Variants in RNF13 observed in about 807,000 individuals in gnomAD.
RNF13 encodes the protein ring finger protein 13.
RNF13 carries 19 observed loss-of-function variants against 37.7 expected under a neutral mutation model. That is an observed-to-expected ratio of 0.50 (90% CI 0.35 to 0.74). RNF13 has a LOEUF of 0.74. Among genes scored for constraint, RNF13 ranks in the 30% least tolerant of loss-of-function variants. The pLI, the probability that RNF13 is intolerant of heterozygous loss-of-function variation, is 0.01. For missense variants in RNF13, 375 were observed against 453.0 expected (o/e 0.83, Z 1.56); for synonymous variants, 144 against 157.8 (o/e 0.91, Z 0.65).
intron 4 of RNF13, among the ~76,000 whole-genome samples, chr3:149,884,435 C>T (rs1188438587): frequency 6.6e-6 from 1 of 151,858 alleles, no homozygotes; most frequent in Non-Finnish European, 1.5e-5. Context: ...TGAACTCTTC[C>T]TGATCCTGTC....
chr3:149,909,442 A>T (rs1235391513), intron 6 of RNF13, among the ~76,000 whole-genome samples: 7 of 114,422 alleles, frequency 6.1e-5, no homozygotes, highest in South Asian at 3.0e-4. Context: ...TGCCTGGTTA[A>T]TTTTTTTTTT....
intron 3 of RNF13, among the ~76,000 whole-genome samples, chr3:149,871,343 G>T (rs1472087033): frequency 6.6e-6 from 1 of 150,846 alleles, no homozygotes; most frequent in Non-Finnish European, 1.5e-5. Flanking sequence ...TGACCAGCCT[G>T]TTACTACATT....
chr3:149,923,239 G>A (rs1718322852), intron 8 of RNF13, among the ~76,000 whole-genome samples: 2 of 151,996 alleles, frequency 1.3e-5, no homozygotes, highest in African/African-American at 4.8e-5. Flanking sequence ...ATACAGTGTG[G>A]ATTAGTTAAT....
At chr3:149,892,464 C>T (rs1011197995) in intron 4 of RNF13, among the ~76,000 whole-genome samples, 1 of 152,126 alleles carries the variant, frequency 6.6e-6, no homozygotes, top group African/African-American at 2.4e-5. Flanking sequence ...TAGACAACCG[C>T]AGATTTAAGG....
chr3:149,933,665 C>A (rs1719394312), intron 8 of RNF13, among the ~76,000 whole-genome samples: 1 of 148,454 alleles, frequency 6.7e-6, no homozygotes, highest in Admixed American at 6.7e-5. Context: ...CTCACTGTAA[C>A]CTCTGCCTGC....
intron 1 of RNF13, among the ~76,000 whole-genome samples, chr3:149,844,748 A>T (rs1306192406): frequency 1.3e-5 from 2 of 152,208 alleles, no homozygotes; most frequent in Non-Finnish European, 2.9e-5. Context: ...ATGTCAACAA[A>T]TCTAGACATT....
intron 8 of RNF13, among the ~76,000 whole-genome samples, chr3:149,957,929 T>A (rs1338547023): frequency 6.6e-6 from 1 of 152,204 alleles, no homozygotes; most frequent in African/African-American, 2.4e-5. Flanking sequence ...TAAAGGTTAA[T>A]TTGCTACAGA....
intron 1 of RNF13, among the ~76,000 whole-genome samples, chr3:149,844,539 C>T (rs1297893429): frequency 1.3e-5 from 2 of 152,174 alleles, no homozygotes; most frequent in Non-Finnish European, 2.9e-5. Flanking sequence ...GCACAAACCA[C>T]ATTTTTTGTA....
At position 149,887,492 on chromosome 3, in the gene RNF13, G is replaced by C. The variant is rs534295127; in HGVS notation, c.322-7981G>C. The stretch of plus-strand genomic sequence containing the variant: ...ATTTTTAAATTTTTTGTAGAGATGG[G>C]GTCTCTTTACATTGCCAGGCTGGTC... On this transcript the variant is annotated intron_variant, in intron 4 of 9. Coordinates refer to ENST00000392894, the MANE Select transcript of RNF13 (RefSeq NM_183381.3). 4.9e-4 allele frequency among the ~76,000 whole-genome samples: 75 copies of C among 152,136 alleles called. 2 individuals carry two copies. In the South Asian group the frequency reaches 0.015, roughly 31 times the overall value.
intron 8 of RNF13, chr3:149,939,406 T>A (rs1720031125): frequency 1.9e-6 from 1 of 520,840 alleles, no homozygotes; most frequent in Admixed American, 2.2e-5. Flanking sequence ...GAGTTTCACA[T>A]ACTCCTCTTC....
At chr3:149,865,990 T>G (rs1037087178) in intron 3 of RNF13, among the ~76,000 whole-genome samples, 24 of 152,150 alleles carry the variant, frequency 1.6e-4, no homozygotes, top group African/African-American at 5.8e-4. Context: ...GGTTGGCCAT[T>G]TTTATGATTA....
intron 8 of RNF13, 46 bp from the exon 9 acceptor site, chr3:149,960,010 G>C (rs1420958657): frequency 1.5e-6 from 2 of 1,349,834 alleles, no homozygotes; most frequent in African/African-American, 2.9e-5. Flanking sequence ...AACTTGAAAA[G>C]TTTGAAAGGT....
intron 7 of RNF13, among the ~76,000 whole-genome samples, chr3:149,913,698 AT>A (rs1033423757): frequency 6.6e-6 from 1 of 152,016 alleles, no homozygotes; most frequent in South Asian, 2.1e-4. Context: ...TCTCAACCTG[AT>A]TTTTTTCTCA....
chr3:149,820,276 T>C (rs939741513), intron 1 of RNF13, among the ~76,000 whole-genome samples: 1 of 151,996 alleles, frequency 6.6e-6, no homozygotes, highest in African/African-American at 2.4e-5. Context: ...GGTCTCAAAC[T>C]CCTGGCCCCA....
chr3:149,905,149 T>C (rs1235858695), intron 6 of RNF13, among the ~76,000 whole-genome samples: 5 of 152,330 alleles, frequency 3.3e-5, no homozygotes, highest in East Asian at 3.9e-4. Flanking sequence ...AGAGTTTTAA[T>C]GTATATGTAT....
intron 3 of RNF13, 48 bp downstream of exon 3, chr3:149,852,644 G>T (rs1723219329): frequency 3.5e-6 from 3 of 854,434 alleles, no homozygotes; most frequent in Non-Finnish European, 3.6e-6. Context: ...ATTTAATAAG[G>T]TGATTTTTAT....
intron 7 of RNF13, 47 bp downstream of exon 7, chr3:149,912,130 A>T: frequency 1.1e-6 from 1 of 874,982 alleles, no homozygotes; most frequent in Non-Finnish European, 1.9e-6. Flanking sequence ...GTATGGATGA[A>T]TCTAAAAACA....
rs1019767426 is a variant in RNF13 at position 149,845,951 on chromosome 3, A to G, written c.-16-60A>G. ...TTGGACATTGGGAATTAATATATCA[A>G]ATGATCTATTCCCTGGGACAAAGCA... On this transcript the variant is annotated intron_variant, in intron 1 of 9. Coordinates refer to ENST00000392894, the MANE Select transcript of RNF13 (RefSeq NM_183381.3). 12 of 836,418 alleles carry G rather than the reference A, an allele frequency of 1.4e-5. No homozygotes were observed. The African/African-American group carries it at 1.5e-4, about 11-fold the overall frequency. The allele number at this position is 836,418 out of a possible 1,614,324, so 51.8% of individuals were successfully genotyped here.
intron 8 of RNF13, among the ~76,000 whole-genome samples, chr3:149,952,045 A>C (rs932097166): frequency 1.3e-5 from 2 of 152,118 alleles, no homozygotes; most frequent in South Asian, 4.2e-4. Context: ...CTCCTCTTCA[A>C]CTCACTATGT....
Sources: gnomAD v4.1 joint callset for allele counts (sites outside exome capture counted in the v4.1 genomes callset) on GRCh38, gnomAD v4.1.1 for gene constraint, MANE v1.5 for transcripts, NCBI Gene and HGNC (gene_info 2026-07-23, HGNC 2026-07-21) for gene names.